Variants in TRAT1 observed in about 807,000 individuals in gnomAD.
TRAT1 encodes T cell receptor associated transmembrane adaptor 1.
A neutral mutation model predicts 20.0 loss-of-function variants in TRAT1; 20 were observed. That is an observed-to-expected ratio of 1.00 (90% confidence interval 0.70 to 1.45). TRAT1 has a LOEUF of 1.45. TRAT1 is among the 40% of genes most tolerant of loss of function. TRAT1 has a pLI of 0.00. For synonymous variants in TRAT1, 77 were observed against 74.2 expected (o/e 1.04, Z -0.20); for missense variants, 237 against 224.1 (o/e 1.06, Z -0.37).
chr3:108,830,808 G>A (rs1359468554), intron 2 of TRAT1, 28 bp downstream of exon 2: 1 of 1,442,758 alleles, frequency 6.9e-7, no homozygotes. Flanking sequence ...ATTTCACATG[G>A]TACCTGCTTG....
intron 4 of TRAT1, among the ~76,000 whole-genome samples, chr3:108,848,922 T>G (rs1455985758): frequency 1.3e-5 from 2 of 152,160 alleles, no homozygotes; most frequent in Non-Finnish European, 2.9e-5. Flanking sequence ...ATTCATATGA[T>G]CTAGTTCTTA....
intron 1 of TRAT1, among the ~76,000 whole-genome samples, chr3:108,829,096 G>A (rs1945767832): frequency 6.6e-6 from 1 of 152,066 alleles, no homozygotes; most frequent in Admixed American, 6.6e-5. Flanking sequence ...CTAAAGCAGG[G>A]TTACAAGTCC....
intron 4 of TRAT1, among the ~76,000 whole-genome samples, chr3:108,848,387 T>G (rs1327411402): frequency 6.6e-6 from 1 of 152,232 alleles, no homozygotes; most frequent in Non-Finnish European, 1.5e-5. Context: ...TATCTTTCTC[T>G]CTCTGAGGGT....
intron 1 of TRAT1, among the ~76,000 whole-genome samples, chr3:108,827,734 CTTAG>C (rs1303448257): frequency 2.0e-5 from 3 of 152,070 alleles, no homozygotes; most frequent in Non-Finnish European, 4.4e-5. Context: ...AATATTAGAA[CTTAG>C]ATTGTGTTTT....
intron 2 of TRAT1, among the ~76,000 whole-genome samples, chr3:108,837,495 C>T (rs1945850704): frequency 6.6e-6 from 1 of 152,190 alleles, no homozygotes; most frequent in African/African-American, 2.4e-5. Context: ...CTTTGTTACA[C>T]ATAAATTTAA....
chr3:108,830,638 T>G (rs1293627219), intron 1 of TRAT1, 32 bp from the exon 2 acceptor site: 2 of 1,421,410 alleles, frequency 1.4e-6, no homozygotes, highest in South Asian at 2.3e-5. Flanking sequence ...AAGCAGCTGT[T>G]ATATTATGTG....
chr3:108,832,031 A>C (rs545576561), intron 2 of TRAT1, among the ~76,000 whole-genome samples: 2 of 152,364 alleles, frequency 1.3e-5, no homozygotes, highest in South Asian at 4.1e-4. Context: ...GTCAGATTGC[A>C]GCAAATGTCC....
intron 2 of TRAT1, among the ~76,000 whole-genome samples, chr3:108,831,538 CTTTTT>C (rs779234270): frequency 1.2e-3 from 162 of 132,142 alleles, no homozygotes; most frequent in African/African-American, 3.8e-3. Flanking sequence ...TGGAAGGTAT[CTTTTT>C]TTTTTTTTTT....
At chr3:108,834,841 T>C (rs1345227490) in intron 2 of TRAT1, among the ~76,000 whole-genome samples, 1 of 152,220 alleles carries the variant, frequency 6.6e-6, no homozygotes, top group African/African-American at 2.4e-5. Flanking sequence ...CCTTGATGTT[T>C]TCTGTAGCAG....
rs757016777 is a variant in TRAT1 at position 108,849,257 on chromosome 3, G to T, written c.303+3G>T. ...AGGAAGCCACCCCATCTGCACAGGTGAGTTTTGTTTTCTGTTTCCACATTT... is the reference window on the plus strand; with the variant it reads ...AGGAAGCCACCCCATCTGCACAGGTTAGTTTTGTTTTCTGTTTCCACATTT... On this transcript the variant is annotated splice_donor_region_variant and intron_variant, in intron 5 of 5. Transcript: ENST00000295756. 6.2e-7 allele frequency: 1 copy of T among 1,612,666 alleles called. No individual in the cohort carries two copies. Among genetic ancestry groups the T allele is most frequent in the Admixed American group, 1.7e-5 (1 of 59,878 alleles).
chr3:108,835,403 C>T (rs1048913730), intron 2 of TRAT1, among the ~76,000 whole-genome samples: 1 of 152,202 alleles, frequency 6.6e-6, no homozygotes. Context: ...AATCACCAGG[C>T]AGCTTTTAAA....
intron 3 of TRAT1, among the ~76,000 whole-genome samples, chr3:108,841,812 T>A (rs947136192): frequency 2.0e-5 from 3 of 152,184 alleles, no homozygotes; most frequent in African/African-American, 7.2e-5. Flanking sequence ...TATTTCTCAT[T>A]TAAAACATAA....
chr3:108,837,144 T>C (rs1055256417), intron 2 of TRAT1, among the ~76,000 whole-genome samples: 17 of 152,358 alleles, frequency 1.1e-4, no homozygotes, highest in African/African-American at 4.1e-4. Flanking sequence ...TTAGCCTCTC[T>C]AGGCTTCTCC....
intron 4 of TRAT1, among the ~76,000 whole-genome samples, chr3:108,847,922 T>C (rs1021651612): frequency 1.3e-5 from 2 of 152,242 alleles, no homozygotes; most frequent in Non-Finnish European, 2.9e-5. Flanking sequence ...TATGGAATCA[T>C]CTTAAAGTTA....
chr3:108,851,815 C>A (rs1459360717), intron 5 of TRAT1, among the ~76,000 whole-genome samples: 4 of 152,174 alleles, frequency 2.6e-5, no homozygotes, highest in African/African-American at 9.7e-5. Flanking sequence ...ATTAAACATA[C>A]AATTTGTGGT....
At chr3:108,838,768 C>T (rs1046165261) in intron 2 of TRAT1, among the ~76,000 whole-genome samples, 166 bp from the exon 3 acceptor site, 1 of 151,946 alleles carries the variant, frequency 6.6e-6, no homozygotes, top group East Asian at 1.9e-4. Context: ...ATCTGATTGG[C>T]CCAAGAGGAG....
intron 4 of TRAT1, among the ~76,000 whole-genome samples, chr3:108,848,359 CT>C (rs2107515443): frequency 6.6e-6 from 1 of 152,328 alleles, no homozygotes; most frequent in African/African-American, 2.4e-5. Context: ...TATTAAGTCG[CT>C]TTTCTTATAG....
At chr3:108,828,482 A>T (rs1037498772) in intron 1 of TRAT1, among the ~76,000 whole-genome samples, 5 of 152,182 alleles carry the variant, frequency 3.3e-5, no homozygotes, top group South Asian at 2.1e-4. Context: ...TAGATTGTGT[A>T]TCAAAGACAG....
chr3:108,842,204 A>G (rs1331375230), intron 3 of TRAT1, among the ~76,000 whole-genome samples: 2 of 152,192 alleles, frequency 1.3e-5, no homozygotes. Flanking sequence ...GCAGATTTTC[A>G]TGAACTGCTT....
Sources: gnomAD v4.1 joint callset for allele counts (sites outside exome capture counted in the v4.1 genomes callset) on GRCh38, gnomAD v4.1.1 for gene constraint, MANE v1.5 for transcripts, NCBI Gene and HGNC (gene_info 2026-07-23, HGNC 2026-07-21) for gene names.